ADK: variants seen among roughly 807,000 people sequenced by gnomAD.
The protein encoded by ADK is adenosine kinase, also known as N6,N6-dimethyladenosine kinase.
ADK carries 24 observed loss-of-function variants against 44.7 expected under a neutral mutation model. The ratio of observed to expected loss-of-function variants is 0.54; its 90% CI spans 0.39 to 0.76. ADK has a LOEUF of 0.76. Ranked by LOEUF, ADK falls within the 30% of genes least tolerant of loss-of-function variation. The pLI is 0.00. For synonymous variants in ADK, 128 were observed against 142.6 expected (o/e 0.90, Z 0.73); for missense variants, 321 against 425.1 (o/e 0.76, Z 2.15).
intron 1 of ADK, among the ~76,000 whole-genome samples, chr10:74,167,653 G>A (rs1410167592): frequency 6.6e-6 from 1 of 152,164 alleles, no homozygotes; most frequent in Non-Finnish European, 1.5e-5. Flanking sequence ...GCAGGAGCTG[G>A]CAGCCCTCTC....
intron 3 of ADK, among the ~76,000 whole-genome samples, chr10:74,246,325 T>TA (rs1167648896): frequency 6.6e-6 from 1 of 152,228 alleles, no homozygotes; most frequent in African/African-American, 2.4e-5. Flanking sequence ...AAGACAAAGT[T>TA]ACAACAAATT....
chr10:74,706,321 T>A (rs916430670), intron 10 of ADK, among the ~76,000 whole-genome samples: 1 of 152,226 alleles, frequency 6.6e-6, no homozygotes, highest in African/African-American at 2.4e-5. Context: ...TCATACTTTT[T>A]ACCTCTTACT....
intron 1 of ADK, among the ~76,000 whole-genome samples, chr10:74,188,603 C>T (rs1037458661): frequency 6.6e-6 from 1 of 151,684 alleles, no homozygotes; most frequent in African/African-American, 2.4e-5. Context: ...CTGCCTGCCT[C>T]GGCCTCTCAA....
chr10:74,501,534 C>G (rs1482236261), intron 6 of ADK, among the ~76,000 whole-genome samples: 2 of 152,018 alleles, frequency 1.3e-5, no homozygotes, highest in Non-Finnish European at 2.9e-5. Flanking sequence ...AAAAGTGCAC[C>G]TTTGATGTGT....
intron 6 of ADK, among the ~76,000 whole-genome samples, chr10:74,456,233 T>G (rs1564732054): frequency 6.6e-6 from 1 of 152,112 alleles, no homozygotes; most frequent in Admixed American, 6.6e-5. Context: ...CAACAGAATA[T>G]ACATTCTTCT....
At chr10:74,369,266 GGA>G (rs1196724183) in intron 4 of ADK, among the ~76,000 whole-genome samples, 1 of 152,156 alleles carries the variant, frequency 6.6e-6, no homozygotes, top group Non-Finnish European at 1.5e-5. Flanking sequence ...TGAGGTGGGA[GGA>G]TTATTTGAGA....
chr10:74,173,423 TTTTC>T lies in ADK; in HGVS notation c.65+22088_65+22091del, dbSNP rs1336289655. On this transcript the variant is annotated intron_variant, in intron 1 of 10. Coordinates refer to ENST00000539909, the MANE Select transcript of ADK (RefSeq NM_006721.4). ...TTTTCAAATTGAAAATTTTTTTTCT[TTTTC>T]TTTCTTTTTTTTTTTCTTTTGAGAT... is the stretch of plus-strand genomic sequence containing the variant. Among the ~76,000 whole-genome samples, 15 of 147,732 alleles carry T rather than the reference TTTTC, an allele frequency of 1.0e-4. No individual in the cohort carries two copies. In the South Asian group the frequency reaches 1.7e-3, roughly 17 times the overall value.
At chr10:74,249,773 C>T (rs1357812937) in intron 3 of ADK, among the ~76,000 whole-genome samples, 1 of 152,090 alleles carries the variant, frequency 6.6e-6, no homozygotes, top group African/African-American at 2.4e-5. Context: ...AGGGTTTTCC[C>T]GTTATCCTGT....
intron 4 of ADK, chr10:74,372,461 C>T (rs549774257): frequency 1.6e-4 from 64 of 402,992 alleles, no homozygotes; most frequent in East Asian, 5.8e-4. Flanking sequence ...ATAAGGTTGA[C>T]GGAAAATAAA....
chr10:74,514,215 T>C (rs985713133), intron 6 of ADK, among the ~76,000 whole-genome samples: 3 of 152,242 alleles, frequency 2.0e-5, no homozygotes, highest in Non-Finnish European at 4.4e-5. Context: ...TTGATGCTTT[T>C]ATCTTGCTGC....
intron 6 of ADK, among the ~76,000 whole-genome samples, chr10:74,415,001 C>G (rs1441991453): frequency 6.6e-6 from 1 of 152,132 alleles, no homozygotes; most frequent in African/African-American, 2.4e-5. Flanking sequence ...ATTACACGGA[C>G]TAACCTTTTT....
At chr10:74,154,114 G>C (rs2132024447) in intron 1 of ADK, among the ~76,000 whole-genome samples, 1 of 152,240 alleles carries the variant, frequency 6.6e-6, no homozygotes, top group East Asian at 1.9e-4. Context: ...AGGAAAGTTT[G>C]TTTGGTGGCA....
intron 1 of ADK, among the ~76,000 whole-genome samples, chr10:74,185,447 A>G (rs962355723): frequency 1.3e-5 from 2 of 152,086 alleles, no homozygotes; most frequent in African/African-American, 4.8e-5. Flanking sequence ...ATACATATGG[A>G]AGGATTGGCT....
At chr10:74,642,026 T>C (rs904972523) in intron 9 of ADK, among the ~76,000 whole-genome samples, 2 of 152,168 alleles carry the variant, frequency 1.3e-5, no homozygotes, top group Non-Finnish European at 2.9e-5. Context: ...TGACTCTCAA[T>C]GACAGTAGAG....
intron 9 of ADK, among the ~76,000 whole-genome samples, chr10:74,608,676 G>A (rs780383198): frequency 6.6e-6 from 1 of 152,120 alleles, no homozygotes; most frequent in Non-Finnish European, 1.5e-5. Context: ...GACCCTTGCT[G>A]GGAGGCATCT....
chr10:74,465,797 AT>A (rs1846331614), intron 6 of ADK, among the ~76,000 whole-genome samples: 1 of 152,180 alleles, frequency 6.6e-6, no homozygotes, highest in Non-Finnish European at 1.5e-5. Context: ...TGTATAAATT[AT>A]GGGGAAAGTC....
intron 10 of ADK, among the ~76,000 whole-genome samples, chr10:74,681,149 T>A (rs561083617): frequency 6.6e-6 from 1 of 152,230 alleles, no homozygotes; most frequent in Non-Finnish European, 1.5e-5. Flanking sequence ...TCTTTTGTTT[T>A]TAACTATATC....
chr10:74,306,226 T>TTAC (rs985304118), intron 3 of ADK, among the ~76,000 whole-genome samples: 1 of 152,146 alleles, frequency 6.6e-6, no homozygotes. Context: ...CTTCTTCATT[T>TTAC]TACTATTAAG....
intron 3 of ADK, among the ~76,000 whole-genome samples, chr10:74,306,700 A>C (rs1432522155): frequency 1.3e-5 from 2 of 152,158 alleles, no homozygotes; most frequent in Admixed American, 6.5e-5. Context: ...GGGTTAAGCT[A>C]GGTCAAAGTT....
Sources: allele counts gnomAD v4.1 joint callset (sites outside exome capture counted in the v4.1 genomes callset), GRCh38; gene constraint gnomAD v4.1.1; transcripts MANE v1.5; gene names NCBI Gene and HGNC (gene_info 2026-07-23, HGNC 2026-07-21).